NCAPH: variants seen among roughly 807,000 people sequenced by gnomAD.
The protein encoded by NCAPH is condensin complex subunit 2.
Under a neutral mutation model 85.5 loss-of-function variants are expected in NCAPH, and 38 were observed. The observed-to-expected ratio is 0.44, with a 90% CI of 0.34 to 0.58. The LOEUF is 0.58. NCAPH is among the 20% of genes least tolerant of loss of function. The pLI is 0.01. For synonymous variants in NCAPH, 301 were observed against 335.1 expected, an observed-to-expected ratio of 0.90 and a Z score of 1.11; for missense variants, 789 against 916.6, an observed-to-expected ratio of 0.86 and a Z score of 1.80.
Position 96,340,839 on chromosome 2 carries a change from T to C in NCAPH, c.20-803T>C, listed in dbSNP as rs191727386. 4.6e-5 allele frequency among the ~76,000 whole-genome samples: 7 copies of C among 152,116 alleles called. No homozygotes were observed. The East Asian group carries it at 1.4e-3, about 29-fold the overall frequency. ...TTAAGTTAAGAGACTAAGCTAGTTT[T>C]CTTGAAAACTGTCCTGCATTCTAGA... On this transcript the variant is annotated intron_variant, in intron 1 of 17. Transcript: ENST00000240423.
In NCAPH at chr2:96,367,245, T is replaced by C; in HGVS notation, c.1882-12T>C. ...TTCTGCTTAGTTTTACTTTGTCATA[T>C]ACCTATTTCAGGTAAATAAAATTGA... is the stretch of plus-strand genomic sequence containing the variant. On this transcript the variant is annotated splice_polypyrimidine_tract_variant and intron_variant, in intron 14 of 17. Transcript: ENST00000240423. The C allele has an allele frequency of 6.4e-7, 1 of 1,565,120 alleles. No homozygotes were observed.
chr2:96,359,225 G>A (rs745459181), intron 10 of NCAPH, 32 bp downstream of exon 10: 1 of 1,611,962 alleles, frequency 6.2e-7, no homozygotes, highest in Non-Finnish European at 8.5e-7. Flanking sequence ...TTTAAGAAAA[G>A]AAGTAGTGTA....
rs774813083 is a variant in NCAPH at position 96,342,444 on chromosome 2, G to A, written c.363+304G>A. ...TGAGCCACCCAACCATTTTGCTTCC[G>A]TGTCCTCTGGAGAATGGGGGTAGTG... On this transcript the variant is annotated intron_variant, in intron 3 of 17. Coordinates refer to ENST00000240423, the MANE Select transcript of NCAPH (RefSeq NM_015341.5). Among the ~76,000 whole-genome samples the A allele has an allele frequency of 1.1e-4, 17 of 152,300 alleles. 1 individual carries two copies. The highest frequency in any genetic ancestry group is 7.2e-4 in the Admixed American group (11 of 15,304).
At chr2:96,347,698 T>C (rs1478071169) in intron 6 of NCAPH, among the ~76,000 whole-genome samples, 3 of 152,048 alleles carry the variant, frequency 2.0e-5, no homozygotes, top group African/African-American at 7.2e-5. Context: ...GAATTGTGGG[T>C]GTCTTGGGTC....
chr2:96,351,754 G>A, intron 6 of NCAPH, 77 bp from the exon 7 acceptor site: 2 of 1,296,810 alleles, frequency 1.5e-6, no homozygotes, highest in Non-Finnish European at 1.1e-6. Flanking sequence ...CTAATGAGTG[G>A]GGCCAAATGC....
chr2:96,367,232 T>G (rs1573096217), intron 14 of NCAPH, 25 bp from the exon 15 acceptor site: 8 of 1,520,912 alleles, frequency 5.3e-6, no homozygotes, highest in Non-Finnish European at 6.4e-6. Flanking sequence ...CTGCTTAGTT[T>G]TACTTTGTCA....
At chr2:96,341,348 T>G in intron 1 of NCAPH, 1 of 327,264 alleles carries the variant, frequency 3.1e-6, no homozygotes, top group Middle Eastern at 9.2e-4. Context: ...TGTGAGCTTA[T>G]CAGAGGCAGC....
intron 17 of NCAPH, 41 bp downstream of exon 17, chr2:96,369,541 CTGTTT>C: frequency 1.3e-6 from 2 of 1,557,072 alleles, no homozygotes; most frequent in Non-Finnish European, 1.8e-6. Context: ...AGAGTATTCC[CTGTTT>C]ATGTCAACTC....
Position 96,360,589 on chromosome 2 carries a change from C to T in NCAPH, c.1466C>T (p.Ala489Val). 1.2e-6 allele frequency: 2 copies of T among 1,613,406 alleles called. No individual in the cohort carries two copies. The highest frequency in any genetic ancestry group is 1.7e-6 in the Non-Finnish European group (2 of 1,179,812). The change falls in exon 12 of 18, where the codon GCT (alanine) becomes GTT (valine). Residue 489 changes from alanine (A) to valine (V), a missense_variant and splice_region_variant. Ala to Val is a moderately conservative substitution (Grantham distance 64). Transcript: ENST00000240423. The part of the protein sequence containing the change: ...DFDVYFRKTK[A>V]ATILTKSTLE... ...CACTTTTTTTAAAAAAATTAATAGG[C>T]TGCTACTATTCTGACCAAGTCCACT...
Position 96,359,126 on chromosome 2 carries a change from T to C in NCAPH, c.1290T>C (p.Tyr430=). 1 of 1,614,230 alleles carries C rather than the reference T, an allele frequency of 6.2e-7. No homozygotes were observed. Among genetic ancestry groups the C allele is most frequent in the Non-Finnish European group, 8.5e-7 (1 of 1,180,046 alleles). ...LLSMKPGEYS[Y]FSPRTMSMWA... ...CTATGAAACCTGGAGAATATTCTTA[T>C]TTCAGTCCTCGGACCATGTCGATGT... The change falls in exon 10 of 18, where the codon TAT becomes TAC. Residue 430 remains tyrosine, a synonymous_variant. Coordinates refer to ENST00000240423, the MANE Select transcript of NCAPH (RefSeq NM_015341.5).
At chr2:96,353,619 G>A (rs2104454622) in intron 8 of NCAPH, among the ~76,000 whole-genome samples, 1 of 152,320 alleles carries the variant, frequency 6.6e-6, no homozygotes, top group Non-Finnish European at 1.5e-5. Context: ...TCAGCTTTAT[G>A]TCCTCTCTTC....
intron 5 of NCAPH, 135 bp downstream of exon 5, chr2:96,343,439 T>C (rs2064322452): frequency 9.4e-6 from 10 of 1,058,990 alleles, no homozygotes; most frequent in Non-Finnish European, 1.2e-5. Context: ...TTTAGAACCA[T>C]ATATGGTCTT....
At chr2:96,357,698 T>A (rs749178242) in intron 9 of NCAPH, among the ~76,000 whole-genome samples, 2 of 152,230 alleles carry the variant, frequency 1.3e-5, no homozygotes, top group Non-Finnish European at 2.9e-5. Context: ...TATTTTATTT[T>A]TTTAAATTAG....
intron 11 of NCAPH, 58 bp from the exon 12 acceptor site, chr2:96,360,530 T>G: frequency 6.3e-7 from 1 of 1,594,614 alleles, no homozygotes; most frequent in Non-Finnish European, 8.6e-7. Context: ...TTAAAAAAAG[T>G]AAGATGTTTT....
rs796881318 is a variant in NCAPH, at chr2:96,375,213, CAAA to C, written c.*1871_*1873del. 5.7e-4 allele frequency among the ~76,000 whole-genome samples: 82 copies of C among 144,160 alleles called. No individual in the cohort carries two copies. Among genetic ancestry groups the C allele is most frequent in the Non-Finnish European group, 1.0e-3 (66 of 65,216 alleles). The allele number at this position is 144,160 out of a possible 152,430, so 94.6% of individuals were successfully genotyped here. ...ACAGAGTGAGATCCTATCTCTTAAA[CAAA>C]AAAAAAAACTGGCGAGTTCAATACC... On this transcript the variant is annotated 3_prime_UTR_variant, in exon 18 of 18. Transcript: ENST00000240423.
At chr2:96,371,610 C>T (rs2064774053) in intron 17 of NCAPH, among the ~76,000 whole-genome samples, 1 of 152,142 alleles carries the variant, frequency 6.6e-6, no homozygotes, top group African/African-American at 2.4e-5. Context: ...TTAAGGGTCC[C>T]AGAGCTCTTG....
chr2:96,358,679 A>G (rs999530451), intron 9 of NCAPH, among the ~76,000 whole-genome samples: 22 of 152,166 alleles, frequency 1.4e-4, no homozygotes, highest in African/African-American at 3.9e-4. Context: ...TGTGTTAGCC[A>G]GGGTGGTCTC....
intron 1 of NCAPH, among the ~76,000 whole-genome samples, chr2:96,338,241 G>GAAAGA (rs1553445130): frequency 4.2e-4 from 34 of 80,860 alleles, no homozygotes; most frequent in Non-Finnish European, 6.3e-4. Context: ...CTATTTTATT[G>GAAAGA]AAAAAAAAAA....
At chr2:96,368,584 G>A (rs2064730176) in intron 15 of NCAPH, among the ~76,000 whole-genome samples, 1 of 152,208 alleles carries the variant, frequency 6.6e-6, no homozygotes, top group Non-Finnish European at 1.5e-5. Flanking sequence ...CTGAACCCGG[G>A]AGGTGGAGCT....
Sources: allele counts gnomAD v4.1 joint callset (sites outside exome capture counted in the v4.1 genomes callset), GRCh38; gene constraint gnomAD v4.1.1; transcripts MANE v1.5; gene names NCBI Gene and HGNC (gene_info 2026-07-23, HGNC 2026-07-21).